Variants in FGF13 observed in about 807,000 individuals in gnomAD.
FGF13 encodes the protein fibroblast growth factor homologous factor 2.
In FGF13, 2 loss-of-function variants were observed where a neutral mutation model predicts 19.5. The ratio of observed to expected loss-of-function variants is 0.10; its 90% CI spans 0.04 to 0.32. The LOEUF (loss-of-function observed/expected upper bound fraction) is 0.32. Among genes scored for constraint, FGF13 ranks in the 10% least tolerant of loss-of-function variants. The pLI is 1.00. For missense variants in FGF13, 113 were observed against 192.7 expected, an observed-to-expected ratio of 0.59 and a Z score of 2.45; for synonymous variants, 72 against 76.9, an observed-to-expected ratio of 0.94 and a Z score of 0.33.
At chrX:138,945,664 AG>A (rs1415215522) in intron 1 of FGF13, among the ~76,000 whole-genome samples, 1 of 111,304 alleles carries the variant, frequency 9.0e-6, no homozygotes, top group Admixed American at 9.5e-5. Flanking sequence ...TGAACTAAAA[AG>A]AATAGGTACA....
chrX:138,712,963 T>G (rs2090068707), upstream of FGF13, among the ~76,000 whole-genome samples: 1 of 112,421 alleles, frequency 8.9e-6, no homozygotes, highest in African/African-American at 3.2e-5. Flanking sequence ...CTTCTGTAGA[T>G]TCCATTGCTT....
chrX:138,818,221 A>T (rs1439134367), intron 3 of FGF13, among the ~76,000 whole-genome samples: 1 of 111,280 alleles, frequency 9.0e-6, no homozygotes, highest in Non-Finnish European at 1.9e-5. Flanking sequence ...GAATAACATT[A>T]ATCATAATTG....
At chrX:138,674,786 T>C (rs2089648724) in intron 3 of FGF13, among the ~76,000 whole-genome samples, 1 of 110,678 alleles carries the variant, frequency 9.0e-6, no homozygotes, top group Non-Finnish European at 1.9e-5. Context: ...ATGGCTGAGA[T>C]AGGGTGGACA....
At chrX:139,091,547 A>G (rs1343180006) in intron 1 of FGF13, among the ~76,000 whole-genome samples, 4 of 111,447 alleles carry the variant, frequency 3.6e-5, no homozygotes, top group Non-Finnish European at 1.9e-5. Flanking sequence ...CTTACTGTCC[A>G]CTGAGAGAGA....
chrX:138,889,753 T>C (rs371873276), intron 1 of FGF13, among the ~76,000 whole-genome samples: 2 of 111,323 alleles, frequency 1.8e-5, no homozygotes, highest in South Asian at 7.7e-4. Context: ...TGTTTAGAAC[T>C]GTATATCAAG....
At chrX:138,840,637 G>C (rs2091144365) in intron 3 of FGF13, among the ~76,000 whole-genome samples, 1 of 111,743 alleles carries the variant, frequency 8.9e-6, no homozygotes, top group Non-Finnish European at 1.9e-5. Context: ...TGGAAGGGAA[G>C]GAAGGAAATA....
At chrX:138,798,812 T>C (rs780121473) in intron 3 of FGF13, among the ~76,000 whole-genome samples, 3 of 109,421 alleles carry the variant, frequency 2.7e-5, no homozygotes, top group Non-Finnish European at 5.7e-5. Context: ...ATGTGTCCAG[T>C]AATTTATCCA....
At chrX:138,825,580 G>A (rs1199770705) in intron 3 of FGF13, among the ~76,000 whole-genome samples, 1 of 111,153 alleles carries the variant, frequency 9.0e-6, no homozygotes, top group Non-Finnish European at 1.9e-5. Flanking sequence ...CTTGACCTCT[G>A]GACTCTGATT....
intron 1 of FGF13, among the ~76,000 whole-genome samples, chrX:138,723,566 C>G (rs1331110800): frequency 9.0e-6 from 1 of 111,131 alleles, no homozygotes. Context: ...GTTGGCGATG[C>G]GTGGAATTCA....
chrX:138,699,144 ATTC>A (rs1158998450), intron 3 of FGF13, among the ~76,000 whole-genome samples: 1 of 111,186 alleles, frequency 9.0e-6, no homozygotes, highest in African/African-American at 3.3e-5. Context: ...CTGGTAGAAA[ATTC>A]TTCTACTTCC....
chrX:138,636,626 C>A (rs1363759508), intron 3 of FGF13, among the ~76,000 whole-genome samples: 3 of 111,705 alleles, frequency 2.7e-5, no homozygotes, highest in Non-Finnish European at 5.6e-5. Context: ...TAGCAAAGGG[C>A]CTACTTGGAG....
At chrX:138,695,590 G>A (rs1389399750) in intron 3 of FGF13, among the ~76,000 whole-genome samples, 1 of 111,653 alleles carries the variant, frequency 9.0e-6, no homozygotes, top group Non-Finnish European at 1.9e-5. Flanking sequence ...GTGTGTGTGG[G>A]AAAGAAAGAA....
intron 3 of FGF13, among the ~76,000 whole-genome samples, chrX:138,781,129 A>C (rs1358637566): frequency 5.4e-5 from 6 of 111,330 alleles, no homozygotes; most frequent in African/African-American, 2.0e-4. Context: ...GAGAACAAAG[A>C]CACAACATAC....
At chrX:138,656,594 G>C (rs2089440033) in intron 3 of FGF13, among the ~76,000 whole-genome samples, 1 of 111,578 alleles carries the variant, frequency 9.0e-6, no homozygotes, top group East Asian at 2.8e-4. Flanking sequence ...GCACCTTGAG[G>C]GGTTCATGAT....
intron 1 of FGF13, among the ~76,000 whole-genome samples, chrX:138,913,604 AAGAG>A (rs1298398161): frequency 1.3e-4 from 13 of 102,433 alleles, no homozygotes; most frequent in Admixed American, 5.4e-4. Flanking sequence ...AGAGAAGAAA[AAGAG>A]AGAGAGAGGG....
intron 1 of FGF13, among the ~76,000 whole-genome samples, chrX:138,950,865 G>T (rs751958958): frequency 4.3e-4 from 48 of 110,942 alleles, no homozygotes; most frequent in African/African-American, 1.6e-3. Flanking sequence ...TTGAAGTCTA[G>T]TAGGGGAAGA....
At chrX:138,827,333 T>G (rs185954074) in intron 3 of FGF13, among the ~76,000 whole-genome samples, 1 of 111,642 alleles carries the variant, frequency 9.0e-6, no homozygotes, top group East Asian at 2.8e-4. Flanking sequence ...AGAGCTTTCA[T>G]GGGGGGAGGC....
At chrX:138,823,607 C>CTT (rs2091014403) in intron 3 of FGF13, among the ~76,000 whole-genome samples, 1 of 112,011 alleles carries the variant, frequency 8.9e-6, no homozygotes, top group Admixed American at 9.5e-5. Context: ...CAAGCTTCTA[C>CTT]TTTTAGAAGC....
intron 3 of FGF13, among the ~76,000 whole-genome samples, chrX:138,750,923 AGAG>A (rs1188421432): frequency 9.0e-6 from 1 of 111,149 alleles, no homozygotes; most frequent in Non-Finnish European, 1.9e-5. Flanking sequence ...TGATAGAGGA[AGAG>A]GAGGCAGTGA....
Sources: gnomAD v4.1 joint callset for allele counts (sites outside exome capture counted in the v4.1 genomes callset) on GRCh38, gnomAD v4.1.1 for gene constraint, MANE v1.5 for transcripts, NCBI Gene and HGNC (gene_info 2026-07-23, HGNC 2026-07-21) for gene names.